The following UPK3A variants were observed in gnomAD, a reference collection of about 807,000 sequenced individuals.
The protein encoded by UPK3A is uroplakin-3a.
UPK3A carries 32 observed loss-of-function variants against 27.6 expected under a neutral mutation model. The observed-to-expected ratio is 1.16, with a 90% CI of 0.87 to 1.55. The LOEUF is 1.55. Ranked by LOEUF, UPK3A falls within the 40% of genes most tolerant of loss-of-function variation. The probability of loss-of-function intolerance (pLI) is 0.00; values close to 1 mark genes in which losing one functional copy is unlikely to be tolerated. For synonymous variants in UPK3A, 171 were observed against 163.9 expected (o/e 1.04, Z -0.33); for missense variants, 370 against 367.9 (o/e 1.01, Z -0.05).
At chr22:45,291,274 T>C (rs1299023750) in intron 4 of UPK3A, among the ~76,000 whole-genome samples, 1 of 133,246 alleles carries the variant, frequency 7.5e-6, no homozygotes, top group Non-Finnish European at 1.6e-5. Context: ...GTGGTGTGGG[T>C]GGTGTATGTG....
intron 4 of UPK3A, among the ~76,000 whole-genome samples, chr22:45,290,540 G>T (rs1334752416): frequency 6.6e-6 from 1 of 152,088 alleles, no homozygotes. Flanking sequence ...TGTTGCGTAT[G>T]TGTGTGAGTG....
intron 4 of UPK3A, among the ~76,000 whole-genome samples, chr22:45,291,071 C>A (rs2084157029): frequency 6.6e-6 from 1 of 152,154 alleles, no homozygotes. Context: ...ATATAAGGTG[C>A]TTGAATCATC....
At position 45,287,094 on chromosome 22, in the gene UPK3A, A is replaced by G. The variant is rs2673087; in HGVS notation, c.209-78A>G. 0.77 allele frequency: 1,234,720 copies of G among 1,599,322 alleles called. 477,391 individuals carry two copies. Among genetic ancestry groups the G allele is most frequent in the Admixed American group, 0.83 (49,962 of 59,986 alleles). ...CAGAGCTGGGGCAGAAAGGATGATC[A>G]GGCATTTGATGAATAACTGAGTGAG... On this transcript the variant is annotated intron_variant, in intron 2 of 5. Transcript: ENST00000216211.
intron 4 of UPK3A, among the ~76,000 whole-genome samples, chr22:45,291,621 G>C (rs1226461866): frequency 6.7e-6 from 1 of 148,716 alleles, no homozygotes; most frequent in Non-Finnish European, 1.5e-5. Context: ...GTGTGTGTGT[G>C]GGAGTTGGTA....
Position 45,286,093 on chromosome 22 carries a change from T to C in UPK3A, c.205T>C (p.Ser69Pro). 6.2e-7 allele frequency: 1 copy of C among 1,614,028 alleles called. No homozygotes were observed. The highest frequency in any genetic ancestry group is 1.7e-5 in the Admixed American group (1 of 60,016). The change falls in exon 2 of 6, where the codon TCA (serine) becomes CCA (proline). Residue 69 changes from serine to proline, a missense_variant. Transcript: ENST00000216211. Reference protein sequence around the residue: ...HEVYLYVLVDSAISRNASVQD... With the variant: ...HEVYLYVLVDPAISRNASVQD... ...GGTCTACCTGTATGTCCTGGTCGAC[T>C]CAGGTAAGGGTCCTGCTTCCCTCTG...
At chr22:45,287,961 G>A (rs1255573558) in intron 3 of UPK3A, among the ~76,000 whole-genome samples, 2 of 152,106 alleles carry the variant, frequency 1.3e-5, no homozygotes, top group Non-Finnish European at 2.9e-5. Flanking sequence ...TGCCATGCCT[G>A]GCCCATCTTG....
At chr22:45,291,180 T>A (rs2084157955) in intron 4 of UPK3A, among the ~76,000 whole-genome samples, 1 of 151,942 alleles carries the variant, frequency 6.6e-6, no homozygotes. Flanking sequence ...GTATATGTGG[T>A]GTGTGGTGGG....
intron 5 of UPK3A, among the ~76,000 whole-genome samples, 166 bp from the exon 6 acceptor site, chr22:45,295,394 G>A (rs2084188110): frequency 6.6e-6 from 1 of 151,956 alleles, no homozygotes; most frequent in African/African-American, 2.4e-5. Flanking sequence ...TTATTCCCAG[G>A]GCCTGGCACA....
At chr22:45,287,145 G>A (rs766690523) in intron 2 of UPK3A, 27 bp from the exon 3 acceptor site, 1 of 1,613,366 alleles carries the variant, frequency 6.2e-7, no homozygotes, top group Non-Finnish European at 8.5e-7. Context: ...GTGGCCAGAA[G>A]CCTGACTCCC....
At chr22:45,291,252 G>A (rs541165586) in intron 4 of UPK3A, among the ~76,000 whole-genome samples, 1 of 151,514 alleles carries the variant, frequency 6.6e-6, no homozygotes, top group South Asian at 2.1e-4. Context: ...GTGTGTGAGT[G>A]TGAGAGTGTG....
At chr22:45,294,422 G>T (rs1324612180) in intron 5 of UPK3A, among the ~76,000 whole-genome samples, 1 of 136,422 alleles carries the variant, frequency 7.3e-6, no homozygotes, top group Non-Finnish European at 1.5e-5. Flanking sequence ...CACCCCCCCC[G>T]GGAGACCTCG....
chr22:45,286,493 A>G (rs2084119052), intron 2 of UPK3A, among the ~76,000 whole-genome samples: 1 of 152,086 alleles, frequency 6.6e-6, no homozygotes, highest in African/African-American at 2.4e-5. Flanking sequence ...TGAGGCTTCG[A>G]AAGGTGGCTC....
rs190995933 is a variant in UPK3A at position 45,295,060 on chromosome 22, A to T, written c.705-500A>T. Among the ~76,000 whole-genome samples the T allele has an allele frequency of 7.8e-3, 1,184 of 151,792 alleles. 11 individuals carry two copies. The highest frequency in any genetic ancestry group is 0.027 in the African/African-American group (1,100 of 41,394). ...TTTTTGTATTTTTAGTAGAGACAAG[A>T]TTTCACCATGTTGGCCAGGCTGGTC... On this transcript the variant is annotated intron_variant, in intron 5 of 5. Transcript: ENST00000216211.
intron 4 of UPK3A, among the ~76,000 whole-genome samples, chr22:45,291,584 G>A (rs543040990): frequency 1.3e-5 from 2 of 149,050 alleles, no homozygotes; most frequent in African/African-American, 2.5e-5. Context: ...AAGAGTTTGA[G>A]TTGGTGTGTG....
At position 45,287,250 on chromosome 22, in the gene UPK3A, G is replaced by A; in HGVS notation, c.287G>A (p.Arg96Lys). 1 of 1,614,194 alleles carries A rather than the reference G, an allele frequency of 6.2e-7. No individual in the cohort carries two copies. Among genetic ancestry groups the A allele is most frequent in the Non-Finnish European group, 8.5e-7 (1 of 1,180,044 alleles). Residue 96 changes from arginine to lysine, a missense_variant, in exon 3 of 6, where the codon AGG becomes AAG. By Grantham distance (26) the Arg-to-Lys change is conservative. Coordinates refer to ENST00000216211, the MANE Select transcript of UPK3A (RefSeq NM_006953.4). ...GSTFLQTEGG[R>K]TGPYKAVAFD... is the part of the protein sequence containing the mutation. ...ACGTTCCTACAAACAGAGGGTGGGAGGACAGGTCCCTACAAAGCTGTGGCC... is the reference window on the plus strand; with the variant it reads ...ACGTTCCTACAAACAGAGGGTGGGAAGACAGGTCCCTACAAAGCTGTGGCC...
intron 5 of UPK3A, among the ~76,000 whole-genome samples, chr22:45,295,183 G>C (rs1338536070): frequency 6.6e-6 from 1 of 151,852 alleles, no homozygotes; most frequent in Non-Finnish European, 1.5e-5. Context: ...ACCTTCTTTA[G>C]GGCCACGTGA....
rs1458203037 is a variant in UPK3A at position 45,287,205 on chromosome 22, C to T, written c.242C>T (p.Thr81Ile). ...ISRNASVQDSTNTPLGSTFLQ... is the reference protein window; with the variant it reads ...ISRNASVQDSINTPLGSTFLQ... Reference sequence around the variant, plus strand: ...AGGAATGCCTCAGTGCAAGACAGCACCAACACCCCACTGGGCTCAACGTTC... The same window carrying T: ...AGGAATGCCTCAGTGCAAGACAGCATCAACACCCCACTGGGCTCAACGTTC... Residue 81 changes from threonine to isoleucine, a missense_variant, in exon 3 of 6, where the codon ACC becomes ATC. By Grantham distance (89) the Thr-to-Ile change is moderately conservative. Coordinates refer to ENST00000216211, the MANE Select transcript of UPK3A (RefSeq NM_006953.4). 1 of 1,614,104 alleles carries T rather than the reference C, an allele frequency of 6.2e-7. No homozygotes were observed. The highest frequency in any genetic ancestry group is 1.1e-5 in the South Asian group (1 of 91,094).
intron 5 of UPK3A, 23 bp from the exon 6 acceptor site, chr22:45,295,537 G>A: frequency 1.2e-6 from 2 of 1,614,026 alleles, no homozygotes; most frequent in Non-Finnish European, 1.7e-6. Context: ...CCTAATCCTG[G>A]GTCTTTCCAT....
intron 4 of UPK3A, among the ~76,000 whole-genome samples, chr22:45,292,286 C>T (rs964893890): frequency 1.3e-5 from 2 of 152,178 alleles, no homozygotes; most frequent in African/African-American, 4.8e-5. Flanking sequence ...GGACAGCATG[C>T]ACCTCAGGAC....
Sources: allele counts gnomAD v4.1 joint callset (sites outside exome capture counted in the v4.1 genomes callset), GRCh38; gene constraint gnomAD v4.1.1; transcripts MANE v1.5; gene names NCBI Gene and HGNC (gene_info 2026-07-23, HGNC 2026-07-21).